Variants in DPP10 observed in about 807,000 individuals in gnomAD.
The protein encoded by DPP10 is inactive dipeptidyl peptidase 10.
In DPP10, 33 loss-of-function variants were observed where a neutral mutation model predicts 120.9. That is an observed-to-expected ratio of 0.27 (90% CI 0.21 to 0.37). The LOEUF (loss-of-function observed/expected upper bound fraction) is 0.37, where lower values mean the gene tolerates loss of function less well. DPP10 is among the 10% of genes least tolerant of loss of function. The probability of loss-of-function intolerance (pLI) is 1.00; values close to 1 mark genes in which losing one functional copy is unlikely to be tolerated. For synonymous variants in DPP10, 337 were observed against 326.1 expected, an observed-to-expected ratio of 1.03 and a Z score of -0.36; for missense variants, 816 against 942.8, an observed-to-expected ratio of 0.87 and a Z score of 1.76.
Position 115,277,616 on chromosome 2 carries a change from G to A in DPP10, c.61-31623G>A, listed in dbSNP as rs192184233. Among the ~76,000 whole-genome samples, 4 of 151,932 alleles carry A rather than the reference G, an allele frequency of 2.6e-5. No homozygotes were observed. The East Asian group carries it at 7.7e-4, about 29-fold the overall frequency. On this transcript the variant is annotated intron_variant, in intron 1 of 25. Transcript: ENST00000410059. ...ATATGAAAGAATAATTACCTTTGTAGTAAAGGACATTCTAGTTATACATCT... is the reference window on the plus strand; with the variant it reads ...ATATGAAAGAATAATTACCTTTGTAATAAAGGACATTCTAGTTATACATCT...
chr2:114,822,088 A>G (rs956627653), intron 1 of DPP10, among the ~76,000 whole-genome samples: 2 of 152,052 alleles, frequency 1.3e-5, no homozygotes, highest in Non-Finnish European at 2.9e-5. Context: ...CCCACCACCC[A>G]TTTTCCTTCC....
At chr2:114,486,100 C>G (rs113817598) in intron 1 of DPP10, among the ~76,000 whole-genome samples, 1 of 152,252 alleles carries the variant, frequency 6.6e-6, no homozygotes, top group African/African-American at 2.4e-5. Flanking sequence ...AATATTAATA[C>G]ATTGATTATT....
At chr2:114,747,828 G>A (rs1678718925) in intron 1 of DPP10, among the ~76,000 whole-genome samples, 1 of 152,028 alleles carries the variant, frequency 6.6e-6, no homozygotes, top group Non-Finnish European at 1.5e-5. Context: ...AAATTTTCTA[G>A]GGAACTTTTT....
At chr2:115,449,685 C>T (rs549077644) in intron 3 of DPP10, among the ~76,000 whole-genome samples, 11 of 151,978 alleles carry the variant, frequency 7.2e-5, no homozygotes, top group Non-Finnish European at 1.3e-4. Context: ...ACTTTGATTG[C>T]CATTTGGCCT....
At chr2:115,731,200 A>G (rs2092901176) in intron 8 of DPP10, among the ~76,000 whole-genome samples, 1 of 152,146 alleles carries the variant, frequency 6.6e-6, no homozygotes, top group Admixed American at 6.5e-5. Context: ...TCTACTAAAA[A>G]TACAAAAATT....
chr2:115,210,222 C>T (rs182278572), intron 1 of DPP10, among the ~76,000 whole-genome samples: 51 of 152,028 alleles, frequency 3.4e-4, no homozygotes, highest in African/African-American at 1.1e-3. Flanking sequence ...ATCCTGTGTC[C>T]AAGTGTTCTC....
At chr2:114,741,779 T>TA (rs1209634981) in intron 1 of DPP10, among the ~76,000 whole-genome samples, 1 of 152,142 alleles carries the variant, frequency 6.6e-6, no homozygotes, top group Non-Finnish European at 1.5e-5. Flanking sequence ...ATGCTGGAGT[T>TA]ACGCTGTCAC....
intron 1 of DPP10, among the ~76,000 whole-genome samples, chr2:114,693,658 T>A (rs776402171): frequency 5.3e-4 from 80 of 152,134 alleles, no homozygotes; most frequent in Middle Eastern, 3.4e-3. Context: ...TCCTGGATGA[T>A]ATCCTGAAAT....
intron 1 of DPP10, among the ~76,000 whole-genome samples, chr2:115,071,135 G>A (rs1020522606): frequency 2.0e-5 from 3 of 152,042 alleles, no homozygotes; most frequent in South Asian, 2.1e-4. Context: ...ATTCATAAAC[G>A]TCCTTTCTCT....
chr2:115,163,412 T>C (rs2104988865), intron 1 of DPP10, among the ~76,000 whole-genome samples: 1 of 152,352 alleles, frequency 6.6e-6, no homozygotes, highest in Middle Eastern at 3.4e-3. Flanking sequence ...AGCTCCCTTC[T>C]CGTTTATTAG....
intron 5 of DPP10, among the ~76,000 whole-genome samples, chr2:115,686,967 A>G (rs2091022583): frequency 6.6e-6 from 1 of 152,024 alleles, no homozygotes; most frequent in Admixed American, 6.6e-5. Flanking sequence ...AATCTTAAGT[A>G]ACTTTGATTT....
At chr2:115,642,278 TG>T (rs758922501) in intron 5 of DPP10, among the ~76,000 whole-genome samples, 5 of 152,088 alleles carry the variant, frequency 3.3e-5, no homozygotes, top group Admixed American at 6.6e-5. Context: ...AACATTCCTC[TG>T]GATGTCTCTG....
intron 1 of DPP10, among the ~76,000 whole-genome samples, chr2:115,005,872 C>T (rs1701793666): frequency 6.6e-6 from 1 of 152,076 alleles, no homozygotes; most frequent in African/African-American, 2.4e-5. Context: ...GAGAACGCCA[C>T]AAAGATAATC....
chr2:114,902,587 G>A (rs116650243), intron 1 of DPP10, among the ~76,000 whole-genome samples: 3,787 of 152,188 alleles, frequency 0.025, 149 homozygotes, highest in African/African-American at 0.082. Flanking sequence ...GAACCAGCTC[G>A]TTAAGTTCTA....
chr2:114,699,386 A>G (rs1478307141), intron 1 of DPP10, among the ~76,000 whole-genome samples: 1 of 152,126 alleles, frequency 6.6e-6, no homozygotes, highest in Non-Finnish European at 1.5e-5. Flanking sequence ...TAAAAAGGAA[A>G]TGTGGGCACT....
intron 1 of DPP10, among the ~76,000 whole-genome samples, chr2:114,749,581 T>TTATTTTATTA (rs1221131820): frequency 1.3e-5 from 2 of 149,132 alleles, no homozygotes; most frequent in African/African-American, 4.9e-5. Flanking sequence ...TTATTTTATT[T>TTATTTTATTA]TATTTTATTT....
At chr2:114,712,751 C>T (rs1701108462) in intron 1 of DPP10, among the ~76,000 whole-genome samples, 1 of 152,052 alleles carries the variant, frequency 6.6e-6, no homozygotes. Flanking sequence ...TAGAAATATC[C>T]ATTTTAATTA....
At chr2:114,843,187 G>A (rs998629329) in intron 1 of DPP10, among the ~76,000 whole-genome samples, 3 of 152,126 alleles carry the variant, frequency 2.0e-5, no homozygotes, top group Non-Finnish European at 4.4e-5. Flanking sequence ...GAAATGAACC[G>A]AAAAATAATC....
At chr2:115,297,305 T>A in intron 1 of DPP10, 1 of 392,002 alleles carries the variant, frequency 2.6e-6, no homozygotes. Flanking sequence ...TAAAAGTAAT[T>A]ATTAATGGGC....
Sources: gnomAD v4.1 joint callset for allele counts (sites outside exome capture counted in the v4.1 genomes callset) on GRCh38, gnomAD v4.1.1 for gene constraint, MANE v1.5 for transcripts, NCBI Gene and HGNC (gene_info 2026-07-23, HGNC 2026-07-21) for gene names.